ZNF875: variants seen among roughly 807,000 people sequenced by gnomAD.
The protein encoded by ZNF875 is zinc finger protein 875, also known as HKR1, GLI-Kruppel zinc finger family member.
A neutral mutation model predicts 11.2 loss-of-function variants in ZNF875; 14 were observed. That is an observed-to-expected ratio of 1.26 (90% confidence interval 0.83 to 1.96). ZNF875 has a LOEUF of 1.96. Ranked by LOEUF, ZNF875 falls within the 30% of genes most tolerant of loss-of-function variation. The pLI is 0.00. For synonymous variants in ZNF875, 301 were observed against 281.1 expected (o/e 1.07, Z -0.71); for missense variants, 752 against 760.4 (o/e 0.99, Z 0.13).
chr19:37,334,116 G>GC (rs1325328014), upstream of ZNF875, among the ~76,000 whole-genome samples: 1 of 152,178 alleles, frequency 6.6e-6, no homozygotes, highest in Non-Finnish European at 1.5e-5. Context: ...CCGGGAGTTT[G>GC]CCCCAAACCA....
chr19:37,354,860 C>A (rs1410968625), intron 4 of ZNF875, among the ~76,000 whole-genome samples: 1 of 152,212 alleles, frequency 6.6e-6, no homozygotes, highest in African/African-American at 2.4e-5. Flanking sequence ...CTTCCTCTTT[C>A]TGCTGTGATT....
intron 2 of ZNF875, among the ~76,000 whole-genome samples, chr19:37,340,786 C>G (rs568723560): frequency 6.6e-6 from 1 of 151,228 alleles, no homozygotes; most frequent in African/African-American, 2.4e-5. Flanking sequence ...GTAGCTGGGA[C>G]TACAGGTGCC....
intron 4 of ZNF875, among the ~76,000 whole-genome samples, chr19:37,356,141 G>C (rs1446690983): frequency 2.0e-5 from 3 of 152,140 alleles, no homozygotes; most frequent in Non-Finnish European, 4.4e-5. Context: ...AGTATTTCAT[G>C]GTGTGTGTGT....
chr19:37,349,555 T>C (rs550383176), intron 4 of ZNF875, among the ~76,000 whole-genome samples: 6 of 152,222 alleles, frequency 3.9e-5, no homozygotes, highest in Non-Finnish European at 7.3e-5. Context: ...TTCAATTCTT[T>C]TGCTTTTCTT....
chr19:37,348,015 G>C, intron 4 of ZNF875, 143 bp downstream of exon 4: 1 of 597,454 alleles, frequency 1.7e-6, no homozygotes, highest in African/African-American at 1.9e-5. Flanking sequence ...CTTCTTTCCG[G>C]AACATAATCT....
chr19:37,331,047 C>T (rs1050899859), upstream of ZNF875, among the ~76,000 whole-genome samples: 2 of 151,686 alleles, frequency 1.3e-5, no homozygotes, highest in Admixed American at 1.3e-4. Flanking sequence ...ATTAGCCAGG[C>T]GAGGTGGCAG....
At chr19:37,345,780 G>A (rs530079383) in intron 2 of ZNF875, among the ~76,000 whole-genome samples, 18 of 152,072 alleles carry the variant, frequency 1.2e-4, no homozygotes, top group Non-Finnish European at 2.4e-4. Flanking sequence ...ACCCCTCTAT[G>A]GACTGCAGAT....
intron 2 of ZNF875, 148 bp downstream of exon 2, chr19:37,335,405 T>G (rs1014519633): frequency 1.8e-6 from 1 of 552,468 alleles, no homozygotes; most frequent in Non-Finnish European, 3.3e-6. Flanking sequence ...GATTTTGATA[T>G]AGTCTTGTAG....
upstream of ZNF875, among the ~76,000 whole-genome samples, chr19:37,314,333 C>T (rs1438859598): frequency 6.6e-6 from 1 of 152,058 alleles, no homozygotes; most frequent in Non-Finnish European, 1.5e-5. Flanking sequence ...AGAGACAGGT[C>T]TCAAACTCCT....
intron 2 of ZNF875, among the ~76,000 whole-genome samples, chr19:37,340,710 A>C (rs144447133): frequency 7.5e-6 from 1 of 133,904 alleles, no homozygotes; most frequent in Non-Finnish European, 1.5e-5. Flanking sequence ...GTGCAGTGTC[A>C]CGATCTCAGC....
chr19:37,347,273 C>T lies in ZNF875; in HGVS notation c.117C>T (p.His39=). Residue 39 remains histidine, a synonymous_variant, in exon 3 of 5, where the codon CAC becomes CAT. Transcript: ENST00000392153. ...RLLSPAQRTL[H]REVMLETYNH... Reference sequence around the variant, plus strand: ...TGAGCCCTGCTCAGAGGACCCTGCACAGGGAGGTGATGCTGGAGACTTATA... The same window carrying T: ...TGAGCCCTGCTCAGAGGACCCTGCATAGGGAGGTGATGCTGGAGACTTATA... The T allele has an allele frequency of 1.9e-6, 3 of 1,614,130 alleles. No individual in the cohort carries two copies. The highest frequency in any genetic ancestry group is 1.7e-6 in the Non-Finnish European group (2 of 1,179,988).
chr19:37,345,088 T>C (rs2036520678), intron 2 of ZNF875: 1 of 244,948 alleles, frequency 4.1e-6, no homozygotes, highest in South Asian at 6.6e-5. Flanking sequence ...CCTCTTGAGA[T>C]TACTCTGACC....
In ZNF875 at chr19:37,347,239, G is replaced by A. The variant is rs757791297; in HGVS notation, c.83G>A (p.Trp28Ter). 2.5e-6 allele frequency: 4 copies of A among 1,614,152 alleles called. No individual in the cohort carries two copies. Among genetic ancestry groups the A allele is most frequent in the East Asian group, 4.5e-5 (2 of 44,878 alleles). The change falls in exon 3 of 5, where the codon TGG becomes TAG. Residue 28 changes from tryptophan to a stop codon, truncating the protein, a stop_gained. Transcript: ENST00000392153. LOFTEE classifies it high-confidence loss of function. Reference protein sequence around the residue: ...DVAVYFTQEEWRLLSPAQRTL... With the variant: ...DVAVYFTQEE Reference sequence around the variant, plus strand: ...GCTGTGTACTTCACCCAGGAGGAGTGGAGGTTGTTGAGCCCTGCTCAGAGG... The same window carrying A: ...GCTGTGTACTTCACCCAGGAGGAGTAGAGGTTGTTGAGCCCTGCTCAGAGG...
chr19:37,344,634 C>T lies in ZNF875; in HGVS notation c.34-2556C>T, dbSNP rs761935051. 6 of 1,543,748 alleles carry T rather than the reference C, an allele frequency of 3.9e-6. No homozygotes were observed. In the Admixed American group the frequency reaches 5.0e-5, roughly 13 times the overall value. On this transcript the variant is annotated intron_variant, in intron 2 of 4. Transcript: ENST00000392153. ...GCTGGCAAGCAGATGAATTAACTCC[C>T]CCAAGCTTCTAGCTGTGTTTCTACT...
rs929637623 is a variant in ZNF875 at position 37,363,586 on chromosome 19, C to T, written c.1734C>T (p.His578=). 1.2e-6 allele frequency: 2 copies of T among 1,613,910 alleles called. No individual in the cohort carries two copies. Among genetic ancestry groups the T allele is most frequent in the Non-Finnish European group, 1.7e-6 (2 of 1,179,954 alleles). The change falls in exon 5 of 5, where the codon CAC becomes CAT. Residue 578 remains histidine, a synonymous_variant. Coordinates refer to ENST00000392153, the MANE Select transcript of ZNF875 (RefSeq NM_001353803.2). ...GTGCTAAGTTAACTCTCATTAAACA[C>T]CAGAGAGCACACGCAGGGGGGAAGC... ...GFCAKLTLIK[H]QRAHAGGKPH...
In ZNF875 at chr19:37,363,857, C is replaced by A; in HGVS notation, c.*82C>A. 1.6e-6 allele frequency: 2 copies of A among 1,231,352 alleles called. No homozygotes were observed. Among genetic ancestry groups the A allele is most frequent in the Non-Finnish European group, 2.3e-6 (2 of 862,184 alleles). The allele number at this position is 1,231,352 out of a possible 1,614,324, so 76.3% of individuals were successfully genotyped here. ...CAGACACCAGAGGACACACACAGTG[C>A]TGTGGCTTTTTCAGCCATTGCTAGA... On this transcript the variant is annotated 3_prime_UTR_variant, in exon 5 of 5. Coordinates refer to ENST00000392153, the MANE Select transcript of ZNF875 (RefSeq NM_001353803.2).
intron 2 of ZNF875, chr19:37,345,092 T>G (rs1600090708): frequency 4.4e-6 from 1 of 227,508 alleles, no homozygotes; most frequent in East Asian, 8.5e-5. Flanking sequence ...TTGAGATTAC[T>G]CTGACCCAGT....
chr19:37,355,866 A>G (rs968534379), intron 4 of ZNF875, among the ~76,000 whole-genome samples: 1 of 152,208 alleles, frequency 6.6e-6, no homozygotes, highest in South Asian at 2.1e-4. Context: ...TGGGGCTTCT[A>G]TTGAACCTAT....
At chr19:37,317,380 G>A (rs2030303298), upstream of ZNF875, among the ~76,000 whole-genome samples, 1 of 151,754 alleles carries the variant, frequency 6.6e-6, no homozygotes, top group Non-Finnish European at 1.5e-5. Flanking sequence ...TAGAGACGGG[G>A]TTTCACCGTG....
Sources: allele counts gnomAD v4.1 joint callset (sites outside exome capture counted in the v4.1 genomes callset), GRCh38; gene constraint gnomAD v4.1.1; transcripts MANE v1.5; gene names NCBI Gene and HGNC (gene_info 2026-07-23, HGNC 2026-07-21).